The following ADAM32 variants were observed in gnomAD, a reference collection of about 807,000 sequenced individuals.
ADAM32 encodes the protein ADAM metallopeptidase domain 32.
In ADAM32, 89 loss-of-function variants were observed where a neutral mutation model predicts 114.9. The ratio of observed to expected loss-of-function variants is 0.77; its 90% CI spans 0.65 to 0.92. The LOEUF (loss-of-function observed/expected upper bound fraction) is 0.92. ADAM32 is among the 40% of genes least tolerant of loss of function. The probability of loss-of-function intolerance (pLI) is 0.00; values close to 1 mark genes in which losing one functional copy is unlikely to be tolerated. For missense variants in ADAM32, 870 were observed against 932.8 expected (o/e 0.93, Z 0.88); for synonymous variants, 285 against 307.5 (o/e 0.93, Z 0.77).
chr8:39,109,632 T>A (rs1417600934), intron 1 of ADAM32, among the ~76,000 whole-genome samples: 2 of 152,178 alleles, frequency 1.3e-5, no homozygotes, highest in Non-Finnish European at 2.9e-5. Context: ...CTGAAAGAGT[T>A]CCCATATAGC....
chr8:39,150,781 A>G (rs910581143), intron 5 of ADAM32, among the ~76,000 whole-genome samples: 2 of 152,142 alleles, frequency 1.3e-5, no homozygotes, highest in African/African-American at 4.8e-5. Flanking sequence ...CAAGTCATTT[A>G]CTCTTTAAAA....
In ADAM32 at chr8:39,268,765, A is replaced by C. The variant is rs1450373403; in HGVS notation, c.2163-2111A>C. On this transcript the variant is annotated intron_variant, in intron 19 of 24. Coordinates refer to ENST00000379907, the MANE Select transcript of ADAM32 (RefSeq NM_145004.7). The stretch of plus-strand genomic sequence containing the variant: ...CTATATCTAATTTGAATTTTTGTAT[A>C]TGTTAAGAAGTATGGAAATAGTATA... 2.6e-5 allele frequency among the ~76,000 whole-genome samples: 4 copies of C among 152,218 alleles called. No homozygotes were observed. In the South Asian group the frequency reaches 6.2e-4, roughly 24 times the overall value.
At position 39,151,475 on chromosome 8, in the gene ADAM32, A is replaced by G. The variant is rs750753913; in HGVS notation, c.452A>G (p.Asn151Ser). 6.2e-7 allele frequency: 1 copy of G among 1,603,400 alleles called. No individual in the cohort carries two copies. Among genetic ancestry groups the G allele is most frequent in the South Asian group, 1.1e-5 (1 of 87,692 alleles). Residue 151 changes from asparagine (N) to serine (S), a missense_variant, in exon 6 of 25, where the codon AAT becomes AGT. By Grantham distance (46) the Asn-to-Ser change is conservative (BLOSUM62 1). Coordinates refer to ENST00000379907, the MANE Select transcript of ADAM32 (RefSeq NM_145004.7). The part of the protein sequence containing the change: ...HVLYKLKNED[N>S]DIAIFIDRSL... Reference sequence around the variant, plus strand: ...CTTTACAAATTAAAGAATGAAGACAATGATATTGCAATTTTTATTGACAGA... The same window carrying G: ...CTTTACAAATTAAAGAATGAAGACAGTGATATTGCAATTTTTATTGACAGA...
intron 21 of ADAM32, among the ~76,000 whole-genome samples, chr8:39,275,001 A>T (rs1047078260): frequency 1.3e-5 from 2 of 152,074 alleles, no homozygotes; most frequent in Non-Finnish European, 2.9e-5. Flanking sequence ...CTGTGTGATG[A>T]TTTTTCCATC....
intron 3 of ADAM32, among the ~76,000 whole-genome samples, chr8:39,137,838 A>G (rs1003019518): frequency 6.6e-6 from 1 of 152,128 alleles, no homozygotes; most frequent in African/African-American, 2.4e-5. Context: ...TTTCCCAAAG[A>G]AAAGGTTAAC....
At chr8:39,281,246 C>G (rs960198052) in intron 23 of ADAM32, 72 bp downstream of exon 23, 19 of 912,402 alleles carry the variant, frequency 2.1e-5, no homozygotes, top group Non-Finnish European at 2.9e-5. Context: ...TGATAATTCA[C>G]AAATAATTGC....
chr8:39,115,587 G>GT (rs1390587946), intron 1 of ADAM32, among the ~76,000 whole-genome samples: 20 of 150,428 alleles, frequency 1.3e-4, no homozygotes, highest in African/African-American at 4.9e-4. Flanking sequence ...TTTTTTAATG[G>GT]GTTTTTTTTT....
intron 7 of ADAM32, among the ~76,000 whole-genome samples, chr8:39,162,059 G>A (rs1404720919): frequency 6.7e-6 from 1 of 149,980 alleles, no homozygotes; most frequent in Non-Finnish European, 1.5e-5. Context: ...TGTGCACAAC[G>A]TGCAGGTTTG....
At chr8:39,115,070 A>G (rs1223180072) in intron 1 of ADAM32, among the ~76,000 whole-genome samples, 1 of 152,234 alleles carries the variant, frequency 6.6e-6, no homozygotes, top group African/African-American at 2.4e-5. Context: ...ATGGCTGTAT[A>G]GTATTCCATG....
chr8:39,117,627 C>T (rs1840431600), intron 1 of ADAM32, among the ~76,000 whole-genome samples: 1 of 151,970 alleles, frequency 6.6e-6, no homozygotes, highest in South Asian at 2.1e-4. Context: ...GCCTGCTTAT[C>T]TCCCCTTATA....
intron 6 of ADAM32, among the ~76,000 whole-genome samples, chr8:39,155,868 C>G (rs533931861): frequency 6.6e-6 from 1 of 151,818 alleles, no homozygotes; most frequent in African/African-American, 2.4e-5. Context: ...AGTGGTTACT[C>G]TGGATATTAC....
chr8:39,215,851 G>A (rs75744860), intron 12 of ADAM32, among the ~76,000 whole-genome samples: 33,681 of 151,886 alleles, frequency 0.22, 4,216 homozygotes, highest in Non-Finnish European at 0.27. Context: ...CTGAAGAAAA[G>A]AATGTGTGTT....
intron 23 of ADAM32, among the ~76,000 whole-genome samples, chr8:39,282,478 TC>T (rs1813481453): frequency 6.6e-6 from 1 of 152,176 alleles, no homozygotes; most frequent in Non-Finnish European, 1.5e-5. Context: ...AAGGGCATCA[TC>T]TATAGGGTAA....
At position 39,151,460 on chromosome 8, in the gene ADAM32, T is replaced by A; in HGVS notation, c.437T>A (p.Leu146Ter). The change falls in exon 6 of 25, where the codon TTA becomes TAA. Residue 146 changes from leucine to a stop codon, truncating the protein, a stop_gained. Transcript: ENST00000379907. LOFTEE classifies it high-confidence loss of function. ...GAATTTCAGCATGTTCTTTACAAAT[T>A]AAAGAATGAAGACAATGATATTGCA... ...AVEFQHVLYK[L>*]KNEDNDIAIF... is the part of the protein sequence containing the mutation. 6.2e-7 allele frequency: 1 copy of A among 1,606,204 alleles called. No individual in the cohort carries two copies. The highest frequency in any genetic ancestry group is 8.5e-7 in the Non-Finnish European group (1 of 1,177,530).
At chr8:39,197,794 A>G (rs1298199329) in intron 11 of ADAM32, among the ~76,000 whole-genome samples, 1 of 152,188 alleles carries the variant, frequency 6.6e-6, no homozygotes, top group Non-Finnish European at 1.5e-5. Context: ...GACTGCAGCT[A>G]TTAGATGAAA....
rs1452599151 is a variant in ADAM32, at chr8:39,229,359, G to C, written c.1526-2668G>C. 2.6e-5 allele frequency among the ~76,000 whole-genome samples: 4 copies of C among 152,140 alleles called. No homozygotes were observed. The East Asian group carries it at 7.7e-4, about 29-fold the overall frequency. ...GGTACCTCACATTTCAATACTAACA[G>C]TGAATGTAAATGGCCTAAATGCTCC... On this transcript the variant is annotated intron_variant, in intron 14 of 24. Coordinates refer to ENST00000379907, the MANE Select transcript of ADAM32 (RefSeq NM_145004.7).
At chr8:39,150,609 G>A (rs1422610007) in intron 5 of ADAM32, among the ~76,000 whole-genome samples, 3 of 152,070 alleles carry the variant, frequency 2.0e-5, no homozygotes, top group Admixed American at 1.3e-4. Flanking sequence ...ATTCTGTCAG[G>A]AAATTTTCCA....
In ADAM32 at chr8:39,211,321, G is replaced by T; in HGVS notation, c.1230G>T (p.Glu410Asp). 6.6e-7 allele frequency: 1 copy of T among 1,505,218 alleles called. No individual in the cohort carries two copies. The highest frequency in any genetic ancestry group is 8.8e-7 in the Non-Finnish European group (1 of 1,130,688). The allele number at this position is 1,505,218 out of a possible 1,614,324, so 93.2% of individuals were successfully genotyped here. The change falls in exon 12 of 25, where the codon GAG becomes GAT. Residue 410 changes from glutamate to aspartate, a missense_variant. Coordinates refer to ENST00000379907, the MANE Select transcript of ADAM32 (RefSeq NM_145004.7). Reference protein sequence around the residue: ...EGNEICDCGTEAQCGPASCCD... With the variant: ...EGNEICDCGTDAQCGPASCCD... The stretch of plus-strand genomic sequence containing the variant: ...ATGAAATCTGTGATTGTGGTACTGA[G>T]GCTGTAAGTATGATAACTAGGAAAA...
chr8:39,230,939 A>T lies in ADAM32; in HGVS notation c.1526-1088A>T, dbSNP rs115777755. ...GCAGATTTAGAGAGGTTCATTTTGG[A>T]GAAGGTAACTGTGGTAGGTAGAATC... is the stretch of plus-strand genomic sequence containing the variant. On this transcript the variant is annotated intron_variant, in intron 14 of 24. Coordinates refer to ENST00000379907, the MANE Select transcript of ADAM32 (RefSeq NM_145004.7). 5.0e-3 allele frequency among the ~76,000 whole-genome samples: 766 copies of T among 152,282 alleles called. 5 individuals are homozygous for T. The highest frequency in any genetic ancestry group is 0.018 in the African/African-American group (733 of 41,574).
Sources: allele counts gnomAD v4.1 joint callset (sites outside exome capture counted in the v4.1 genomes callset), GRCh38; gene constraint gnomAD v4.1.1; transcripts MANE v1.5; gene names NCBI Gene and HGNC (gene_info 2026-07-23, HGNC 2026-07-21).